CLYBL: variants seen among roughly 807,000 people sequenced by gnomAD.
CLYBL encodes citramalyl-CoA lyase, also known as citramalyl-CoA lyase, mitochondrial.
Under a neutral mutation model 38.9 loss-of-function variants are expected in CLYBL, and 31 were observed. The observed-to-expected ratio is 0.80, with a 90% confidence interval of 0.60 to 1.08. CLYBL has a LOEUF of 1.08. Ranked by LOEUF, CLYBL falls within the 50% of genes least tolerant of loss-of-function variation. The pLI is 0.00. For missense variants in CLYBL, 434 were observed against 411.6 expected, an observed-to-expected ratio of 1.05 and a Z score of -0.47; for synonymous variants, 171 against 158.6, an observed-to-expected ratio of 1.08 and a Z score of -0.59.
At chr13:99,887,577 A>C (rs2152129068) in intron 7 of CLYBL, among the ~76,000 whole-genome samples, 1 of 152,178 alleles carries the variant, frequency 6.6e-6, no homozygotes, top group East Asian at 1.9e-4. Flanking sequence ...TGGGCAACAT[A>C]GGGAGGCCTC....
intron 2 of CLYBL, among the ~76,000 whole-genome samples, chr13:99,847,766 A>AC (rs1407858754): frequency 2.0e-5 from 3 of 152,006 alleles, no homozygotes; most frequent in Admixed American, 2.0e-4. Flanking sequence ...GTGAGCAGGG[A>AC]CCCCCAACTT....
At chr13:99,877,515 G>C (rs2052075807) in intron 7 of CLYBL, 2 of 332,908 alleles carry the variant, frequency 6.0e-6, no homozygotes. Flanking sequence ...GAGACTTTCA[G>C]AGCATTCTTT....
chr13:99,890,775 G>A (rs1732496574), intron 7 of CLYBL, among the ~76,000 whole-genome samples: 1 of 151,978 alleles, frequency 6.6e-6, no homozygotes, highest in African/African-American at 2.4e-5. Context: ...GCCGTCCCTG[G>A]TCACTCTAAT....
At chr13:99,632,118 A>T (rs2139236974) in intron 1 of CLYBL, among the ~76,000 whole-genome samples, 1 of 152,332 alleles carries the variant, frequency 6.6e-6, no homozygotes, top group South Asian at 2.1e-4. Flanking sequence ...AAACTGGCAG[A>T]GCTGGCAGAG....
chr13:99,751,313 C>G (rs941614271), intron 1 of CLYBL, among the ~76,000 whole-genome samples: 5 of 151,914 alleles, frequency 3.3e-5, no homozygotes, highest in African/African-American at 1.2e-4. Flanking sequence ...CTCTGCCTCT[C>G]GGGTTCAAGT....
intron 1 of CLYBL, among the ~76,000 whole-genome samples, chr13:99,719,802 C>G (rs569923008): frequency 3.3e-5 from 5 of 152,354 alleles, no homozygotes; most frequent in African/African-American, 1.2e-4. Context: ...GCCACTGCAC[C>G]TGGCTTGACA....
chr13:99,620,713 G>A (rs1349876603), intron 1 of CLYBL, among the ~76,000 whole-genome samples: 1 of 151,992 alleles, frequency 6.6e-6, no homozygotes, highest in Non-Finnish European at 1.5e-5. Context: ...GAAGGTGGAG[G>A]TTGCAGTGAG....
intron 1 of CLYBL, among the ~76,000 whole-genome samples, chr13:99,630,207 G>C (rs1170130821): frequency 1.3e-5 from 2 of 152,192 alleles, no homozygotes; most frequent in Non-Finnish European, 2.9e-5. Flanking sequence ...TTGTTTAACT[G>C]TCATGTAAGC....
chr13:99,754,578 T>G (rs370208507), intron 1 of CLYBL, among the ~76,000 whole-genome samples: 12 of 151,490 alleles, frequency 7.9e-5, no homozygotes, highest in East Asian at 5.8e-4. Context: ...ATGATCTTTT[T>G]TTGTTGTTGT....
At chr13:99,814,104 C>T (rs568109716) in intron 2 of CLYBL, among the ~76,000 whole-genome samples, 2 of 152,342 alleles carry the variant, frequency 1.3e-5, no homozygotes, top group South Asian at 4.1e-4. Flanking sequence ...CTTGTTTTAA[C>T]TGAACAGAAG....
chr13:99,740,265 G>C (rs1246410425), intron 1 of CLYBL, among the ~76,000 whole-genome samples: 1 of 152,178 alleles, frequency 6.6e-6, no homozygotes, highest in Non-Finnish European at 1.5e-5. Flanking sequence ...TCTGACTTTA[G>C]TGACTCTGCC....
intron 1 of CLYBL, among the ~76,000 whole-genome samples, chr13:99,616,143 CTTTTTTTTTTTT>C (rs34142988): frequency 3.6e-5 from 3 of 83,842 alleles, no homozygotes; most frequent in African/African-American, 1.0e-4. Flanking sequence ...CCACGCCTGG[CTTTTTTTTTTTT>C]TTTTTTTTTT....
chr13:99,728,570 CT>C (rs879726357), intron 1 of CLYBL, among the ~76,000 whole-genome samples: 131 of 142,262 alleles, frequency 9.2e-4, no homozygotes, highest in Middle Eastern at 3.6e-3. Flanking sequence ...GAGCCAACTT[CT>C]TTTTTTTTTT....
Position 99,858,978 on chromosome 13 carries a change from C to A in CLYBL, c.367C>A (p.Leu123Ile). 1 of 1,614,088 alleles carries A rather than the reference C, an allele frequency of 6.2e-7. No homozygotes were observed. Among genetic ancestry groups the A allele is most frequent in the Non-Finnish European group, 8.5e-7 (1 of 1,179,996 alleles). Residue 123 changes from leucine (L) to isoleucine (I), a missense_variant, in exon 3 of 9, where the codon CTT becomes ATT. By Grantham distance (5) the Leu-to-Ile change is conservative. Coordinates refer to ENST00000339105, the MANE Select transcript of CLYBL (RefSeq NM_206808.5). ...SGLAEEDLETLLQSRVLPSSL... is the reference protein window; with the variant it reads ...SGLAEEDLETILQSRVLPSSL... ...TCTGGCGGAAGAAGACCTAGAGACC[C>A]TTTTGCAATCCCGGGTCCTTCCTTC...
At chr13:99,717,628 T>A (rs1171062565) in intron 1 of CLYBL, among the ~76,000 whole-genome samples, 19 of 151,518 alleles carry the variant, frequency 1.3e-4, no homozygotes, top group Admixed American at 1.2e-3. Flanking sequence ...CCTGGCTAAT[T>A]TTTGTATTTT....
At chr13:99,854,158 C>T (rs1031499076) in intron 2 of CLYBL, among the ~76,000 whole-genome samples, 1 of 152,114 alleles carries the variant, frequency 6.6e-6, no homozygotes, top group Non-Finnish European at 1.5e-5. Flanking sequence ...TCTTGGGTCG[C>T]ACATAGCTTT....
At chr13:99,815,061 G>A (rs764775224) in intron 2 of CLYBL, among the ~76,000 whole-genome samples, 5 of 152,058 alleles carry the variant, frequency 3.3e-5, no homozygotes, top group Non-Finnish European at 5.9e-5. Context: ...TAAAGCACAG[G>A]TTTCTTGAGT....
intron 8 of CLYBL, among the ~76,000 whole-genome samples, chr13:99,902,756 G>A (rs1594257174): frequency 6.6e-6 from 1 of 152,258 alleles, no homozygotes; most frequent in East Asian, 1.9e-4. Context: ...TGACCTTCAG[G>A]CCACAGAGTA....
At chr13:99,696,595 G>A (rs967912697) in intron 1 of CLYBL, among the ~76,000 whole-genome samples, 8 of 151,976 alleles carry the variant, frequency 5.3e-5, no homozygotes, top group Non-Finnish European at 1.0e-4. Flanking sequence ...CATGGCACAT[G>A]GTAAAAATTG....
Sources: allele counts gnomAD v4.1 joint callset (sites outside exome capture counted in the v4.1 genomes callset), GRCh38; gene constraint gnomAD v4.1.1; transcripts MANE v1.5; gene names NCBI Gene and HGNC (gene_info 2026-07-23, HGNC 2026-07-21).